The following BABAM2 variants were observed in gnomAD, a reference collection of about 807,000 sequenced individuals.
BABAM2 encodes BRISC and BRCA1-A complex member 2.
Under a neutral mutation model 54.7 loss-of-function variants are expected in BABAM2, and 31 were observed. That is an observed-to-expected ratio of 0.57 (90% CI 0.43 to 0.77). The LOEUF (loss-of-function observed/expected upper bound fraction) is 0.77. Among genes scored for constraint, BABAM2 ranks in the 30% least tolerant of loss-of-function variants. The pLI is 0.00. For synonymous variants in BABAM2, 167 were observed against 162.9 expected (o/e 1.03, Z -0.19); for missense variants, 364 against 455.8 (o/e 0.80, Z 1.83).
intron 7 of BABAM2, among the ~76,000 whole-genome samples, chr2:28,202,091 C>G (rs1464926683): frequency 1.3e-5 from 2 of 152,182 alleles, no homozygotes; most frequent in African/African-American, 4.8e-5. Flanking sequence ...AGAACAATCT[C>G]TAGATGTAAT....
At chr2:28,049,588 T>G (rs1384709166) in intron 6 of BABAM2, among the ~76,000 whole-genome samples, 1 of 152,218 alleles carries the variant, frequency 6.6e-6, no homozygotes, top group Non-Finnish European at 1.5e-5. Flanking sequence ...ATCATGACAC[T>G]ACAGCGAAAT....
intron 6 of BABAM2, among the ~76,000 whole-genome samples, chr2:28,058,676 C>T (rs775123136): frequency 1.3e-5 from 2 of 151,972 alleles, no homozygotes; most frequent in Non-Finnish European, 2.9e-5. Flanking sequence ...AACCTTCTAG[C>T]CGGTGCTACC....
chr2:27,993,346 G>A (rs1320836996), intron 4 of BABAM2, among the ~76,000 whole-genome samples: 1 of 152,022 alleles, frequency 6.6e-6, no homozygotes. Flanking sequence ...ATCCCTTAAG[G>A]GACTTGCAGC....
At chr2:27,921,897 C>G (rs1350245518) in intron 2 of BABAM2, among the ~76,000 whole-genome samples, 1 of 152,156 alleles carries the variant, frequency 6.6e-6, no homozygotes, top group African/African-American at 2.4e-5. Context: ...CATCCCAATT[C>G]CAGTTAAATC....
chr2:28,305,003 G>A (rs866586953), intron 11 of BABAM2, among the ~76,000 whole-genome samples: 6 of 152,180 alleles, frequency 3.9e-5, no homozygotes, highest in Admixed American at 2.0e-4. Flanking sequence ...AAACAGTCAC[G>A]CCTTATGCTA....
At chr2:28,290,856 A>G (rs1478312195) in intron 10 of BABAM2, among the ~76,000 whole-genome samples, 1 of 152,210 alleles carries the variant, frequency 6.6e-6, no homozygotes, top group African/African-American at 2.4e-5. Flanking sequence ...TCAGTATATC[A>G]TATTTACTGA....
intron 3 of BABAM2, among the ~76,000 whole-genome samples, chr2:27,973,367 T>C (rs1340736458): frequency 6.6e-6 from 1 of 151,948 alleles, no homozygotes; most frequent in African/African-American, 2.4e-5. Context: ...GGACAGAAAA[T>C]TCTCCAATGA....
chr2:27,946,107 C>T (rs115601787), intron 3 of BABAM2, among the ~76,000 whole-genome samples: 13 of 152,132 alleles, frequency 8.5e-5, no homozygotes, highest in Non-Finnish European at 1.2e-4. Context: ...TTGCCTTATT[C>T]GCAGTCTTAA....
chr2:27,942,305 A>T (rs1216409511), intron 3 of BABAM2, among the ~76,000 whole-genome samples: 1 of 152,176 alleles, frequency 6.6e-6, no homozygotes, highest in Non-Finnish European at 1.5e-5. Context: ...GATTTATCTC[A>T]TCTATAAGAA....
At chr2:28,195,629 A>C (rs1246747728) in intron 7 of BABAM2, among the ~76,000 whole-genome samples, 1 of 152,204 alleles carries the variant, frequency 6.6e-6, no homozygotes, top group Non-Finnish European at 1.5e-5. Context: ...GTTGAACAAA[A>C]TATCAGTGTC....
intron 10 of BABAM2, among the ~76,000 whole-genome samples, chr2:28,257,386 C>T (rs1012494025): frequency 1.8e-4 from 28 of 152,168 alleles, no homozygotes; most frequent in African/African-American, 5.8e-4. Flanking sequence ...AGGTAGCCAC[C>T]GACCACTTTC....
intron 7 of BABAM2, among the ~76,000 whole-genome samples, chr2:28,186,142 C>A (rs914229081): frequency 4.6e-5 from 7 of 152,130 alleles, no homozygotes; most frequent in Admixed American, 1.3e-4. Context: ...TAATTCCGAC[C>A]TTAGCTTAAC....
At chr2:28,277,787 A>G (rs1686001460) in intron 10 of BABAM2, among the ~76,000 whole-genome samples, 1 of 152,238 alleles carries the variant, frequency 6.6e-6, no homozygotes, top group Admixed American at 6.5e-5. Context: ...ACATTTGAGT[A>G]TCTACTATGG....
At chr2:28,006,937 TA>T (rs963427828) in intron 4 of BABAM2, among the ~76,000 whole-genome samples, 1 of 151,984 alleles carries the variant, frequency 6.6e-6, no homozygotes, top group African/African-American at 2.4e-5. Flanking sequence ...TTCAGACTCA[TA>T]AAAATATATA....
At chr2:28,169,413 G>A (rs929858812) in intron 7 of BABAM2, among the ~76,000 whole-genome samples, 1 of 152,076 alleles carries the variant, frequency 6.6e-6, no homozygotes, top group Admixed American at 6.6e-5. Context: ...TAACCTGAGT[G>A]GAGTGTTTTT....
chr2:27,917,378 C>T (rs1273147118), intron 2 of BABAM2, among the ~76,000 whole-genome samples: 2 of 152,014 alleles, frequency 1.3e-5, no homozygotes, highest in Non-Finnish European at 2.9e-5. Context: ...AACAAAATAC[C>T]TTAGACTTGG....
intron 6 of BABAM2, among the ~76,000 whole-genome samples, chr2:28,066,517 C>T (rs1663594436): frequency 2.0e-5 from 3 of 152,182 alleles, no homozygotes; most frequent in Admixed American, 6.5e-5. Flanking sequence ...CATTCATTAT[C>T]TCACAGTTTT....
chr2:28,162,115 G>A (rs1195771029), intron 7 of BABAM2, among the ~76,000 whole-genome samples: 1 of 152,158 alleles, frequency 6.6e-6, no homozygotes, highest in Non-Finnish European at 1.5e-5. Context: ...CAAGTGGCAA[G>A]GAGTTGTAAT....
intron 4 of BABAM2, among the ~76,000 whole-genome samples, chr2:28,002,869 A>G (rs1181585314): frequency 6.6e-6 from 1 of 152,242 alleles, no homozygotes; most frequent in Non-Finnish European, 1.5e-5. Context: ...CAGAGACTTC[A>G]TCATTAGCAA....
Sources: gnomAD v4.1 joint callset for allele counts (sites outside exome capture counted in the v4.1 genomes callset) on GRCh38, gnomAD v4.1.1 for gene constraint, MANE v1.5 for transcripts, NCBI Gene and HGNC (gene_info 2026-07-23, HGNC 2026-07-21) for gene names.